The following STK33 variants were observed in gnomAD, a reference collection of about 807,000 sequenced individuals.
STK33 encodes the protein serine/threonine-protein kinase 33.
Under a neutral mutation model 58.0 loss-of-function variants are expected in STK33, and 52 were observed. The observed-to-expected ratio is 0.90, with a 90% confidence interval of 0.72 to 1.13. The LOEUF is 1.13. STK33 is among the 50% of genes most tolerant of loss of function. The pLI, the probability that STK33 is intolerant of heterozygous loss-of-function variation, is 0.00. For missense variants in STK33, 630 were observed against 604.2 expected, an observed-to-expected ratio of 1.04 and a Z score of -0.45; for synonymous variants, 215 against 200.1, an observed-to-expected ratio of 1.07 and a Z score of -0.63.
chr11:8,355,943 T>C, the STK33 span, among the ~76,000 whole-genome samples: 1 of 152,172 alleles, frequency 6.6e-6, no homozygotes, highest in East Asian at 1.9e-4. Flanking sequence ...ATAGGTCTGT[T>C]CTGCAGTGAG....
At chr11:8,579,720 G>A (rs1958433058) in intron 1 of STK33, among the ~76,000 whole-genome samples, 1 of 152,038 alleles carries the variant, frequency 6.6e-6, no homozygotes, top group African/African-American at 2.4e-5. Flanking sequence ...CATCAAGTAT[G>A]CTACTTTCCC....
the STK33 span, among the ~76,000 whole-genome samples, chr11:8,342,982 T>C: frequency 6.6e-6 from 1 of 152,236 alleles, no homozygotes; most frequent in Non-Finnish European, 1.5e-5. Flanking sequence ...GCACTGAGGC[T>C]CATCCCCAGG....
intron 1 of STK33, among the ~76,000 whole-genome samples, chr11:8,526,225 C>T (rs1425499347): frequency 1.3e-5 from 2 of 151,888 alleles, no homozygotes; most frequent in African/African-American, 4.8e-5. Flanking sequence ...GGTAAAACCC[C>T]GTCTCTAAAA....
chr11:8,486,834 G>C (rs1201318892), intron 1 of STK33, among the ~76,000 whole-genome samples: 1 of 152,218 alleles, frequency 6.6e-6, no homozygotes, highest in Non-Finnish European at 1.5e-5. Flanking sequence ...GATGGGAAAA[G>C]TAGACAAATT....
chr11:8,449,413 G>T (rs1945973713), intron 11 of STK33, among the ~76,000 whole-genome samples: 1 of 151,654 alleles, frequency 6.6e-6, no homozygotes. Context: ...ACTGGATTAA[G>T]AAAATGTGGC....
At chr11:8,425,807 G>C (rs887359481) in intron 14 of STK33, among the ~76,000 whole-genome samples, 1 of 152,094 alleles carries the variant, frequency 6.6e-6, no homozygotes, top group Non-Finnish European at 1.5e-5. Context: ...AAAGGGAAAA[G>C]TTCCCTCATC....
At chr11:8,545,091 T>C (rs1460906705) in intron 1 of STK33, among the ~76,000 whole-genome samples, 1 of 152,168 alleles carries the variant, frequency 6.6e-6, no homozygotes, top group Non-Finnish European at 1.5e-5. Context: ...ATCTTACAAA[T>C]AGGAAGCTGC....
intron 1 of STK33, among the ~76,000 whole-genome samples, chr11:8,582,669 T>C (rs1370032517): frequency 2.6e-5 from 4 of 152,214 alleles, no homozygotes; most frequent in African/African-American, 9.7e-5. Context: ...CAATATGAGA[T>C]TTGGGTGGGG....
chr11:8,395,533 G>A (rs1046514613), intron 15 of STK33, among the ~76,000 whole-genome samples: 69 of 152,118 alleles, frequency 4.5e-4, no homozygotes, highest in Non-Finnish European at 6.2e-4. Flanking sequence ...CTTTCTTCCT[G>A]CTTTTTATAC....
intron 1 of STK33, among the ~76,000 whole-genome samples, chr11:8,496,787 G>A (rs1318337420): frequency 6.6e-6 from 1 of 151,930 alleles, no homozygotes; most frequent in Admixed American, 6.6e-5. Context: ...TGTTAGCCAG[G>A]ATGGTCTCGA....
chr11:8,428,132 C>G (rs1942993076), intron 14 of STK33, among the ~76,000 whole-genome samples: 1 of 152,224 alleles, frequency 6.6e-6, no homozygotes. Context: ...GGAGGAGGTA[C>G]TCCTAAAGTA....
chr11:8,558,550 T>C (rs1956919345), intron 1 of STK33, among the ~76,000 whole-genome samples: 1 of 152,138 alleles, frequency 6.6e-6, no homozygotes. Context: ...TGAAAGACTG[T>C]AGTTTTTGAA....
chr11:8,334,864 C>A, the STK33 span, among the ~76,000 whole-genome samples: 2 of 152,244 alleles, frequency 1.3e-5, no homozygotes, highest in African/African-American at 4.8e-5. Context: ...CAGTCACACA[C>A]TCCTTCAATG....
chr11:8,434,228 C>G (rs1188985103), intron 14 of STK33: 1 of 134,602 alleles, frequency 7.4e-6, no homozygotes, highest in African/African-American at 3.3e-5. Context: ...AGCCTGGTGA[C>G]AGAGCGAGAC....
At chr11:8,481,682 C>A (rs990776994) in intron 1 of STK33, among the ~76,000 whole-genome samples, 1 of 152,164 alleles carries the variant, frequency 6.6e-6, no homozygotes, top group Non-Finnish European at 1.5e-5. Flanking sequence ...AGCCTGACTC[C>A]AGCCAGGCTA....
intron 1 of STK33, among the ~76,000 whole-genome samples, chr11:8,516,284 T>G (rs753227493): frequency 6.6e-6 from 1 of 152,170 alleles, no homozygotes; most frequent in Non-Finnish European, 1.5e-5. Context: ...TCAACAAAGA[T>G]GCTAAGAATA....
the STK33 span, among the ~76,000 whole-genome samples, chr11:8,386,261 T>C: frequency 2.6e-5 from 4 of 152,164 alleles, no homozygotes; most frequent in Admixed American, 2.6e-4. Context: ...GGCTACACAG[T>C]AATGAAGCCT....
chr11:8,341,240 G>C, the STK33 span, among the ~76,000 whole-genome samples: 7 of 152,144 alleles, frequency 4.6e-5, no homozygotes, highest in Non-Finnish European at 1.0e-4. Flanking sequence ...GGTCCTCTTC[G>C]GGGTGGCAGT....
At chr11:8,559,465 C>T (rs1272304831) in intron 1 of STK33, among the ~76,000 whole-genome samples, 4 of 152,232 alleles carry the variant, frequency 2.6e-5, no homozygotes, top group East Asian at 3.9e-4. Flanking sequence ...ATGTCTGAAC[C>T]GCTATTTTTA....
Sources: allele counts gnomAD v4.1 joint callset (sites outside exome capture counted in the v4.1 genomes callset), GRCh38; gene constraint gnomAD v4.1.1; transcripts MANE v1.5; gene names NCBI Gene and HGNC (gene_info 2026-07-23, HGNC 2026-07-21).